Variants in PANK1 observed in about 807,000 individuals in gnomAD.
PANK1 encodes the protein pantothenic acid kinase 1.
PANK1 carries 18 observed loss-of-function variants against 40.1 expected under a neutral mutation model. The ratio of observed to expected loss-of-function variants is 0.45; its 90% CI spans 0.31 to 0.67. The LOEUF (loss-of-function observed/expected upper bound fraction) is 0.67, where lower values mean the gene tolerates loss of function less well. PANK1 is among the 30% of genes least tolerant of loss of function. The probability of loss-of-function intolerance (pLI) is 0.06; values close to 1 mark genes in which losing one functional copy is unlikely to be tolerated. For synonymous variants in PANK1, 242 were observed against 237.7 expected (o/e 1.02, Z -0.17); for missense variants, 457 against 599.6 (o/e 0.76, Z 2.48).
intron 6 of PANK1, among the ~76,000 whole-genome samples, chr10:89,585,485 T>C (rs531181141): frequency 2.6e-5 from 4 of 152,310 alleles, no homozygotes; most frequent in South Asian, 2.1e-4. Flanking sequence ...AGGATGTGGA[T>C]GGATCTTTGC....
At chr10:89,599,842 A>G (rs1028611000) in intron 2 of PANK1, among the ~76,000 whole-genome samples, 4 of 152,162 alleles carry the variant, frequency 2.6e-5, no homozygotes, top group Non-Finnish European at 5.9e-5. Context: ...ATTTGGAAAA[A>G]GGGTCTTTGC....
At chr10:89,611,584 C>T in intron 2 of PANK1, 112 bp downstream of exon 2, 1 of 736,204 alleles carries the variant, frequency 1.4e-6, no homozygotes, top group Non-Finnish European at 2.2e-6. Context: ...AGAGCGGTGA[C>T]ATAAGCTTGT....
chr10:89,626,096 G>A lies in PANK1; in HGVS notation c.293-14048C>T, dbSNP rs1845652174. ...CAAGCTGTGTATTTCTGCTTCAGGG[G>A]TTAAGGAGAGGAAATGGTAGGCAGA... On this transcript the variant is annotated intron_variant, in intron 1 of 6. Coordinates refer to ENST00000307534, the MANE Select transcript of PANK1 (RefSeq NM_148977.3). 7 of 152,288 alleles carry A rather than the reference G, an allele frequency of 4.6e-5. No individual in the cohort carries two copies. The South Asian group carries it at 1.5e-3, about 32-fold the overall frequency. The allele number at this position is 152,288 out of a possible 1,614,324, so 9.4% of individuals were successfully genotyped here. A position where few individuals can be genotyped will look rare whatever the true frequency, so the allele number is the denominator to read the frequency against.
At chr10:89,640,032 G>A (rs1841927245) in intron 1 of PANK1, among the ~76,000 whole-genome samples, 1 of 152,332 alleles carries the variant, frequency 6.6e-6, no homozygotes. Flanking sequence ...AGTTGGCAAG[G>A]AAGATAGACT....
At chr10:89,597,116 G>GA (rs1353016953) in intron 3 of PANK1, among the ~76,000 whole-genome samples, 1 of 152,092 alleles carries the variant, frequency 6.6e-6, no homozygotes, top group Middle Eastern at 3.2e-3. Flanking sequence ...AATACAATAA[G>GA]AAAAAACCTG....
chr10:89,607,510 A>G (rs1845003406), intron 2 of PANK1, among the ~76,000 whole-genome samples: 1 of 152,250 alleles, frequency 6.6e-6, no homozygotes, highest in Admixed American at 6.5e-5. Flanking sequence ...TGTGCGTACA[A>G]GCCATTGGAA....
chr10:89,627,123 C>T (rs1845680965), intron 1 of PANK1, among the ~76,000 whole-genome samples: 2 of 151,796 alleles, frequency 1.3e-5, no homozygotes, highest in African/African-American at 4.8e-5. Context: ...CATGGCAACA[C>T]AAGCTGAAAT....
chr10:89,633,057 C>T (rs1347757483), intron 1 of PANK1, among the ~76,000 whole-genome samples: 2 of 152,160 alleles, frequency 1.3e-5, no homozygotes, highest in African/African-American at 4.8e-5. Context: ...GTCCCAGTCA[C>T]TGTGTACTGG....
At chr10:89,586,029 T>C (rs543238928) in intron 6 of PANK1, among the ~76,000 whole-genome samples, 27 of 152,210 alleles carry the variant, frequency 1.8e-4, no homozygotes, top group Non-Finnish European at 3.4e-4. Flanking sequence ...CAGGGTGATA[T>C]AGGCGACTAC....
chr10:89,580,008 G>T (rs540846744), downstream of PANK1: 1 of 152,192 alleles, frequency 6.6e-6, no homozygotes, highest in African/African-American at 2.4e-5. Flanking sequence ...CAAATGTGGC[G>T]TCATCTTCTG....
chr10:89,589,272 T>C (rs887128575), intron 5 of PANK1, among the ~76,000 whole-genome samples: 1 of 152,224 alleles, frequency 6.6e-6, no homozygotes, highest in African/African-American at 2.4e-5. Flanking sequence ...ACTCAGTCTC[T>C]GCCCTCAGGA....
At chr10:89,590,920 G>A (rs1844362568) in intron 5 of PANK1, among the ~76,000 whole-genome samples, 1 of 152,086 alleles carries the variant, frequency 6.6e-6, no homozygotes, top group African/African-American at 2.4e-5. Context: ...GGACCAGAGG[G>A]AGGAGGAAGA....
intron 1 of PANK1, among the ~76,000 whole-genome samples, chr10:89,637,930 GTT>G (rs56753931): frequency 6.7e-6 from 1 of 149,666 alleles, no homozygotes; most frequent in Non-Finnish European, 1.5e-5. Context: ...AAATTTTTTA[GTT>G]TTTTTTTTTA....
At position 89,600,956 on chromosome 10, in the gene PANK1, A is replaced by G. The variant is rs188592849; in HGVS notation, c.646-1451T>C. On this transcript the variant is annotated intron_variant, in intron 2 of 6. Transcript: ENST00000307534. ...ACCAGATTATTTAATTCTCCCTAAAACCCTAAAAGTTGGTACTATCAACCT... is the reference window on the plus strand; with the variant it reads ...ACCAGATTATTTAATTCTCCCTAAAGCCCTAAAAGTTGGTACTATCAACCT... Among the ~76,000 whole-genome samples, 4 of 152,226 alleles carry G rather than the reference A, an allele frequency of 2.6e-5. No individual in the cohort carries two copies. In the East Asian group the frequency reaches 7.7e-4, roughly 29 times the overall value.
intron 1 of PANK1, among the ~76,000 whole-genome samples, chr10:89,616,296 GA>G (rs1690480861): frequency 6.9e-6 from 1 of 143,902 alleles, no homozygotes; most frequent in African/African-American, 3.0e-5. Flanking sequence ...GGAATTCCTA[GA>G]TAAATTTCTA....
chr10:89,586,142 C>T (rs1844189046), intron 6 of PANK1, among the ~76,000 whole-genome samples: 2 of 152,176 alleles, frequency 1.3e-5, no homozygotes, highest in Non-Finnish European at 2.9e-5. Flanking sequence ...TTATCCCTGA[C>T]AGTTTCCAGG....
At chr10:89,611,656 G>A (rs2133963362) in intron 2 of PANK1, 40 bp downstream of exon 2, 2 of 1,421,130 alleles carry the variant, frequency 1.4e-6, no homozygotes, top group East Asian at 4.6e-5. Context: ...ATGGACATGT[G>A]AGAGGTTTTG....
At chr10:89,612,863 T>C (rs1036058105) in intron 1 of PANK1, among the ~76,000 whole-genome samples, 1 of 152,190 alleles carries the variant, frequency 6.6e-6, no homozygotes, top group Non-Finnish European at 1.5e-5. Context: ...AGGCATGGCA[T>C]CCAGACATGA....
At chr10:89,614,266 T>A (rs1845252511) in intron 1 of PANK1, among the ~76,000 whole-genome samples, 1 of 152,190 alleles carries the variant, frequency 6.6e-6, no homozygotes, top group Admixed American at 6.5e-5. Flanking sequence ...CAACATCTAT[T>A]ACAATTGAAA....
Sources: gnomAD v4.1 joint callset for allele counts (sites outside exome capture counted in the v4.1 genomes callset) on GRCh38, gnomAD v4.1.1 for gene constraint, MANE v1.5 for transcripts, NCBI Gene and HGNC (gene_info 2026-07-23, HGNC 2026-07-21) for gene names.